Variants in ZAN observed in about 807,000 individuals in gnomAD.
The protein encoded by ZAN is zonadhesin.
In ZAN, 260 loss-of-function variants were observed where a neutral mutation model predicts 286.2. That is an observed-to-expected ratio of 0.91 (90% CI 0.82 to 1.01). The LOEUF (loss-of-function observed/expected upper bound fraction) is 1.01, where lower values mean the gene tolerates loss of function less well. Among genes scored for constraint, ZAN ranks in the 50% least tolerant of loss-of-function variants. The pLI is 0.00. For synonymous variants in ZAN, 1,368 were observed against 1,417.5 expected, an observed-to-expected ratio of 0.97 and a Z score of 0.79; for missense variants, 3,410 against 3,639.2, an observed-to-expected ratio of 0.94 and a Z score of 1.62.
chr7:100,747,609 T>C lies in ZAN; in HGVS notation c.991T>C (p.Ser331Pro), dbSNP rs1242184166. ...GQPGPNWQAV[S>P]VNYTAVGRIQ... Reference sequence around the variant, plus strand: ...ACCTGGGCCCAACTGGCAGGCTGTTTCTGTCAATTACACAGCCGTGGGACG... The same window carrying C: ...ACCTGGGCCCAACTGGCAGGCTGTTCCTGTCAATTACACAGCCGTGGGACG... The change falls in exon 9 of 48, where the codon TCT (serine) becomes CCT (proline). Residue 331 changes from serine to proline, a missense_variant. Ser to Pro is a moderately conservative substitution (Grantham distance 74). Coordinates refer to ENST00000613979, the MANE Select transcript of ZAN (RefSeq NM_003386.3). The C allele has an allele frequency of 6.2e-7, 1 of 1,613,672 alleles. No individual in the cohort carries two copies. Among genetic ancestry groups the C allele is most frequent in the Non-Finnish European group, 8.5e-7 (1 of 1,179,830 alleles).
At position 100,749,504 on chromosome 7, in the gene ZAN, G is replaced by A. The variant is rs370224427; in HGVS notation, c.1249+1034G>A. ...AAACACAAAAAATTAGCCAGGCATG[G>A]TGGTGGGCGCCTGTAGTCCCAGCTA... is the stretch of plus-strand genomic sequence containing the variant. On this transcript the variant is annotated intron_variant, in intron 11 of 47. Coordinates refer to ENST00000613979, the MANE Select transcript of ZAN (RefSeq NM_003386.3). Among the ~76,000 whole-genome samples, 7 of 151,646 alleles carry A rather than the reference G, an allele frequency of 4.6e-5. No individual in the cohort carries two copies. The East Asian group carries it at 5.8e-4, about 13-fold the overall frequency.
intron 10 of ZAN, 41 bp from the exon 11 acceptor site, chr7:100,748,283 C>G: frequency 6.2e-7 from 1 of 1,613,814 alleles, no homozygotes; most frequent in Non-Finnish European, 8.5e-7. Context: ...GGCTGGAGAG[C>G]GTCACTCAAC....
intron 34 of ZAN, among the ~76,000 whole-genome samples, chr7:100,778,948 G>A (rs529355655): frequency 2.6e-5 from 4 of 151,356 alleles, no homozygotes; most frequent in Admixed American, 6.6e-5. Context: ...CAGGAGAATC[G>A]CTTTAACCTG....
intron 20 of ZAN, among the ~76,000 whole-genome samples, chr7:100,762,972 G>T (rs1056199848): frequency 2.2e-5 from 3 of 134,870 alleles, no homozygotes; most frequent in African/African-American, 8.3e-5. Context: ...CTCCCCAACG[G>T]TTTTTTTTTT....
At chr7:100,753,654 C>G (rs1808941168) in intron 14 of ZAN, among the ~76,000 whole-genome samples, 1 of 146,668 alleles carries the variant, frequency 6.8e-6, no homozygotes, top group African/African-American at 2.5e-5. Flanking sequence ...GAGACCCTGT[C>G]TCCACTTTAA....
chr7:100,786,035 G>A lies in ZAN; in HGVS notation c.6873G>A (p.Lys2291=). 2.5e-6 allele frequency: 4 copies of A among 1,613,986 alleles called. No homozygotes were observed. In the East Asian group the frequency reaches 8.9e-5, roughly 36 times the overall value. ...KSWVSSGCTE[K]CVCTGGAIQC... Reference sequence around the variant, plus strand: ...GGGTCTCCAGCGGTTGCACGGAGAAGTGTGTCTGCACGGGAGGAGCCATTC... The same window carrying A: ...GGGTCTCCAGCGGTTGCACGGAGAAATGTGTCTGCACGGGAGGAGCCATTC... Residue 2291 remains lysine, a synonymous_variant, in exon 37 of 48, where the codon AAG becomes AAA. Coordinates refer to ENST00000613979, the MANE Select transcript of ZAN (RefSeq NM_003386.3).
chr7:100,735,831 C>T lies in ZAN; in HGVS notation c.106+59C>T. 2.4e-6 allele frequency: 3 copies of T among 1,270,694 alleles called. 1 individual carries two copies. The highest frequency in any genetic ancestry group is 3.3e-6 in the Non-Finnish European group (3 of 905,616). 78.7% of individuals were successfully genotyped at this position (1,270,694 alleles called of 1,614,324 possible). ...CTCCCTCCTCCGAACCCACATTCTG[C>T]CACCAGAATGCCAGTTCCTGAGTTC... On this transcript the variant is annotated intron_variant, in intron 3 of 47. Coordinates refer to ENST00000613979, the MANE Select transcript of ZAN (RefSeq NM_003386.3).
chr7:100,766,874 C>T (rs1810010084), intron 24 of ZAN, 136 bp from the exon 25 acceptor site: 1 of 1,501,842 alleles, frequency 6.7e-7, no homozygotes, highest in African/African-American at 1.4e-5. Context: ...GCCAACCACA[C>T]TTCCTAGGGA....
chr7:100,762,155 C>T (rs1809628449), intron 19 of ZAN, 60 bp from the exon 20 acceptor site: 3 of 1,599,670 alleles, frequency 1.9e-6, no homozygotes, highest in East Asian at 4.5e-5. Flanking sequence ...TCTGCCACTG[C>T]CCCTCGAGGA....
intron 34 of ZAN, 40 bp downstream of exon 34, chr7:100,776,604 T>G (rs1265074671): frequency 1.0e-5 from 15 of 1,444,498 alleles, no homozygotes; most frequent in Non-Finnish European, 1.4e-5. Context: ...TCTTTCTTTT[T>G]CTTTCTTTGT....
chr7:100,760,238 CAG>C (rs1371275954), intron 18 of ZAN, among the ~76,000 whole-genome samples, 151 bp from the exon 19 acceptor site: 1 of 151,966 alleles, frequency 6.6e-6, no homozygotes, highest in Non-Finnish European at 1.5e-5. Flanking sequence ...AAAAACAAAA[CAG>C]TGGTGAGGAA....
Position 100,788,192 on chromosome 7 carries a change from C to T in ZAN, c.7227+56C>T, listed in dbSNP as rs1033042633. On this transcript the variant is annotated intron_variant, in intron 38 of 47. Transcript: ENST00000613979. ...GGGGAGGCAGCTGGACCAGGTAGGC[C>T]ACCTGGAGTAGAAGTCAGGGATCCC... 4.2e-6 allele frequency: 6 copies of T among 1,424,632 alleles called. No homozygotes were observed. In the African/African-American group the frequency reaches 8.6e-5, roughly 20 times the overall value. The allele number at this position is 1,424,632 out of a possible 1,614,324, so 88.2% of individuals were successfully genotyped here.
chr7:100,765,428 C>T lies in ZAN; in HGVS notation c.4344C>T (p.Ser1448=), dbSNP rs369708010. Residue 1448 remains serine, a synonymous_variant, in exon 23 of 48, where the codon TCC becomes TCT. Transcript: ENST00000613979. ...CTGACACCTGCCATTCAGGATTCTC[C>T]GGCATGTTCTGCTCAGACCGGTGCG... ...PCPDTCHSGF[S]GMFCSDRCVE... 209 of 1,613,940 alleles carry T rather than the reference C, an allele frequency of 1.3e-4. 1 individual carries two copies. The African/African-American group carries it at 1.7e-3, about 13-fold the overall frequency.
In ZAN at chr7:100,779,753, G is replaced by T. The variant is rs1473024179; in HGVS notation, c.6622+3G>T. 1 of 1,548,050 alleles carries T rather than the reference G, an allele frequency of 6.5e-7. No homozygotes were observed. Among genetic ancestry groups the T allele is most frequent in the Non-Finnish European group, 8.7e-7 (1 of 1,146,724 alleles). On this transcript the variant is annotated splice_donor_region_variant and intron_variant, in intron 35 of 47. Coordinates refer to ENST00000613979, the MANE Select transcript of ZAN (RefSeq NM_003386.3). The stretch of plus-strand genomic sequence containing the variant: ...CTGGAGAAACAGCAGCTTCTGCCGT[G>T]AGTGTGCCCTGCTGTCACCCCAAAC...
In ZAN at chr7:100,756,799, G is replaced by A. The variant is rs111237924; in HGVS notation, c.3309+1389G>A. Among the ~76,000 whole-genome samples, 1,328 of 151,500 alleles carry A rather than the reference G, an allele frequency of 8.8e-3. 15 individuals are homozygous for A. Among genetic ancestry groups the A allele is most frequent in the Non-Finnish European group, 0.012 (835 of 67,924 alleles). On this transcript the variant is annotated intron_variant, in intron 15 of 47. Transcript: ENST00000613979. ...CTGTTTGTTTTTGAGACAGAGTTTCGCTCTTGTTGCCCACGCTGGAGTGCA... is the reference window on the plus strand; with the variant it reads ...CTGTTTGTTTTTGAGACAGAGTTTCACTCTTGTTGCCCACGCTGGAGTGCA...
At position 100,770,588 on chromosome 7, in the gene ZAN, A is replaced by G. The variant is rs186174041; in HGVS notation, c.5248+614A>G. On this transcript the variant is annotated intron_variant, in intron 28 of 47. Transcript: ENST00000613979. ...GTTCTCGAACTATGGACCCCAAGGG[A>G]TCCTCCCCCTTGGCCTCCCAAGTAG... 4.7e-3 allele frequency among the ~76,000 whole-genome samples: 700 copies of G among 150,460 alleles called. 3 individuals carry two copies. Among genetic ancestry groups the G allele is most frequent in the Middle Eastern group, 0.014 (4 of 288 alleles).
At chr7:100,767,325 C>T (rs1562939045) in intron 25 of ZAN, 68 bp downstream of exon 25, 12 of 1,547,846 alleles carry the variant, frequency 7.8e-6, no homozygotes, top group Non-Finnish European at 1.0e-5. Context: ...CTGTGCCCCT[C>T]CTTGCCCGGA....
chr7:100,748,799 C>T (rs777912381), intron 11 of ZAN, among the ~76,000 whole-genome samples: 9 of 152,012 alleles, frequency 5.9e-5, no homozygotes, highest in Admixed American at 1.3e-4. Flanking sequence ...GAGGCCGAGA[C>T]GGGAAGATTG....
At chr7:100,746,417 T>A in intron 7 of ZAN, 121 bp from the exon 8 acceptor site, 2 of 1,302,174 alleles carry the variant, frequency 1.5e-6, no homozygotes, top group Non-Finnish European at 1.0e-6. Flanking sequence ...CAGTGCTGCC[T>A]GATTCTAGGC....
Sources: allele counts gnomAD v4.1 joint callset (sites outside exome capture counted in the v4.1 genomes callset), GRCh38; gene constraint gnomAD v4.1.1; transcripts MANE v1.5; gene names NCBI Gene and HGNC (gene_info 2026-07-23, HGNC 2026-07-21).